Variants in DAB1 observed in about 807,000 individuals in gnomAD.
DAB1 encodes the protein DAB adaptor protein 1.
Under a neutral mutation model 64.6 loss-of-function variants are expected in DAB1, and 15 were observed. The ratio of observed to expected loss-of-function variants is 0.23; its 90% CI spans 0.16 to 0.36. The LOEUF (loss-of-function observed/expected upper bound fraction) is 0.36, where lower values mean the gene tolerates loss of function less well. Ranked by LOEUF, DAB1 falls within the 10% of genes least tolerant of loss-of-function variation. DAB1 has a pLI of 1.00. For synonymous variants in DAB1, 235 were observed against 251.9 expected (o/e 0.93, Z 0.64); for missense variants, 596 against 706.7 (o/e 0.84, Z 1.78).
intron 7 of DAB1, among the ~76,000 whole-genome samples, chr1:57,493,985 T>C (rs1390270420): frequency 6.6e-6 from 1 of 152,192 alleles, no homozygotes; most frequent in Non-Finnish European, 1.5e-5. Flanking sequence ...CCTCGGTTTA[T>C]TCAGCTTAAA....
intron 1 of DAB1, among the ~76,000 whole-genome samples, chr1:57,422,883 G>A (rs1395711130): frequency 6.6e-6 from 1 of 152,152 alleles, no homozygotes; most frequent in East Asian, 1.9e-4. Flanking sequence ...AAGAAAAAGC[G>A]CCTTAAAAAG....
chr1:58,289,912 TAAAG>T (rs1661774014), intron 4 of DAB1, among the ~76,000 whole-genome samples: 1 of 152,138 alleles, frequency 6.6e-6, no homozygotes, highest in Non-Finnish European at 1.5e-5. Flanking sequence ...CATTAGCAAA[TAAAG>T]ATATTCTCAC....
At chr1:58,541,048 G>A (rs1275539712) in intron 1 of DAB1, among the ~76,000 whole-genome samples, 2 of 151,856 alleles carry the variant, frequency 1.3e-5, no homozygotes, top group Non-Finnish European at 1.5e-5. Flanking sequence ...GGTGGCTCAC[G>A]CCTGTAATCC....
chr1:57,986,481 A>G (rs1646222039), intron 5 of DAB1, among the ~76,000 whole-genome samples: 1 of 152,154 alleles, frequency 6.6e-6, no homozygotes. Flanking sequence ...GACATGTACA[A>G]AATACATTTC....
chr1:57,143,222 A>C (rs1012642317), intron 3 of DAB1, among the ~76,000 whole-genome samples: 1 of 152,184 alleles, frequency 6.6e-6, no homozygotes, highest in African/African-American at 2.4e-5. Flanking sequence ...GCAGTTGTCC[A>C]ACACCCCTGC....
intron 2 of DAB1, among the ~76,000 whole-genome samples, chr1:57,268,613 C>G (rs1670761604): frequency 6.6e-6 from 1 of 152,228 alleles, no homozygotes; most frequent in Non-Finnish European, 1.5e-5. Context: ...GCACCTTACT[C>G]TCTTCCTAAA....
intron 4 of DAB1, among the ~76,000 whole-genome samples, chr1:57,085,762 C>T (rs1653010195): frequency 6.6e-6 from 1 of 152,188 alleles, no homozygotes; most frequent in African/African-American, 2.4e-5. Context: ...TCCCCAGCTC[C>T]TCGCACACTG....
At chr1:58,192,590 A>G (rs77993600) in intron 4 of DAB1, among the ~76,000 whole-genome samples, 41,227 of 152,106 alleles carry the variant, frequency 0.27, 6,020 homozygotes, top group East Asian at 0.45. Context: ...TGCAAAATAC[A>G]TGATTTCATT....
At chr1:58,294,902 G>GTGTGTGTGTGTT (rs1661933344) in intron 4 of DAB1, among the ~76,000 whole-genome samples, 1 of 149,446 alleles carries the variant, frequency 6.7e-6, no homozygotes, top group Admixed American at 6.7e-5. Context: ...GTGTGTGTGT[G>GTGTGTGTGTGTT]TTTGCAAGTG....
chr1:57,570,217 G>C (rs1017501756), intron 7 of DAB1, among the ~76,000 whole-genome samples: 4 of 152,098 alleles, frequency 2.6e-5, no homozygotes, highest in Non-Finnish European at 4.4e-5. Flanking sequence ...TGTGAAAAGA[G>C]AGACTGGCTT....
rs180977610 is a variant in DAB1 at position 57,751,946 on chromosome 1, A to G, written n.552-102281T>C. Among the ~76,000 whole-genome samples the G allele has an allele frequency of 7.2e-5, 11 of 152,354 alleles. No individual in the cohort carries two copies. In the East Asian group the frequency reaches 1.7e-3, roughly 24 times the overall value. ...CCTGGAGAAATTCACGGTGTTCAGG[A>G]AACATTAAGAGACTGAAACAGAGAT... is the stretch of plus-strand genomic sequence containing the variant. On this transcript the variant is annotated intron_variant and non_coding_transcript_variant, in intron 6 of 20. Coordinates refer to the DAB1 transcript ENST00000485760.
At chr1:58,275,288 T>C (rs1419249018) in intron 4 of DAB1, among the ~76,000 whole-genome samples, 1 of 152,162 alleles carries the variant, frequency 6.6e-6, no homozygotes, top group East Asian at 1.9e-4. Context: ...TTCTTGGATA[T>C]TACGCCGAAA....
rs141505144 is a variant in DAB1 at position 58,300,796 on chromosome 1, A to G, written n.309+42556T>C. 7.1e-3 allele frequency among the ~76,000 whole-genome samples: 1,086 copies of G among 152,110 alleles called. 9 individuals are homozygous for G. Among genetic ancestry groups the G allele is most frequent in the Non-Finnish European group, 0.01 (695 of 67,980 alleles). ...GATGGCAGAGGCAGAACCAATGCATACAGTTCTGCACATTGTGCTGTGTGC... is the reference window on the plus strand; with the variant it reads ...GATGGCAGAGGCAGAACCAATGCATGCAGTTCTGCACATTGTGCTGTGTGC... On this transcript the variant is annotated intron_variant and non_coding_transcript_variant, in intron 4 of 20. Coordinates refer to the DAB1 transcript ENST00000485760.
intron 1 of DAB1, among the ~76,000 whole-genome samples, chr1:57,387,821 CAAAA>C (rs55950458): frequency 0.3 from 31,252 of 104,032 alleles, 3,437 homozygotes; most frequent in Non-Finnish European, 0.36. Context: ...GACTCAGCCT[CAAAA>C]AAAAAAAAAA....
chr1:58,055,223 T>C (rs936786729), intron 5 of DAB1, among the ~76,000 whole-genome samples: 7 of 152,204 alleles, frequency 4.6e-5, no homozygotes, highest in Non-Finnish European at 1.0e-4. Context: ...TGGCTCCTGT[T>C]ACCTCTCTGA....
chr1:57,339,839 C>G (rs1355101975), intron 1 of DAB1, among the ~76,000 whole-genome samples: 1 of 152,174 alleles, frequency 6.6e-6, no homozygotes, highest in Non-Finnish European at 1.5e-5. Flanking sequence ...GTACTGAAAA[C>G]TTAAGCATCA....
At position 58,025,659 on chromosome 1, in the gene DAB1, A is replaced by G. The variant is rs1170434627; in HGVS notation, n.387+124852T>C. ...ATTATATATATATGTGTGTATATAT[A>G]TATATATATATATATATATATATAT... On this transcript the variant is annotated intron_variant and non_coding_transcript_variant, in intron 5 of 20. Coordinates refer to the DAB1 transcript ENST00000485760. Among the ~76,000 whole-genome samples the G allele has an allele frequency of 2.0e-3, 274 of 137,676 alleles. 5 individuals carry two copies. Among genetic ancestry groups the G allele is most frequent in the Middle Eastern group, 3.6e-3 (1 of 274 alleles). 90.3% of individuals were successfully genotyped at this position (137,676 alleles called of 152,430 possible).
At chr1:57,233,544 A>G (rs1343159632) in intron 2 of DAB1, among the ~76,000 whole-genome samples, 1 of 151,912 alleles carries the variant, frequency 6.6e-6, no homozygotes, top group Non-Finnish European at 1.5e-5. Context: ...GTGGATCACG[A>G]GGTCAGGGGT....
chr1:58,426,538 G>A (rs546102319), intron 3 of DAB1, among the ~76,000 whole-genome samples: 3 of 152,192 alleles, frequency 2.0e-5, no homozygotes, highest in African/African-American at 2.4e-5. Flanking sequence ...AGCCAATGGC[G>A]TGGTTCTAGG....
Sources: allele counts gnomAD v4.1 joint callset (sites outside exome capture counted in the v4.1 genomes callset), GRCh38; gene constraint gnomAD v4.1.1; transcripts MANE v1.5; gene names NCBI Gene and HGNC (gene_info 2026-07-23, HGNC 2026-07-21).